Variants in SHOC2 observed in about 807,000 individuals in gnomAD.
SHOC2 encodes leucine-rich repeat protein SHOC-2.
Under a neutral mutation model 50.2 loss-of-function variants are expected in SHOC2, and 4 were observed. The observed-to-expected ratio is 0.08, with a 90% CI of 0.04 to 0.18. SHOC2 has a LOEUF of 0.18. SHOC2 is among the 10% of genes least tolerant of loss of function. The pLI is 1.00. For missense variants in SHOC2, 388 were observed against 669.6 expected, an observed-to-expected ratio of 0.58 and a Z score of 4.64; for synonymous variants, 218 against 244.5, an observed-to-expected ratio of 0.89 and a Z score of 1.01.
intron 2 of SHOC2, among the ~76,000 whole-genome samples, chr10:110,980,282 G>A (rs1235283771): frequency 1.3e-5 from 2 of 151,072 alleles, no homozygotes; most frequent in Non-Finnish European, 2.9e-5. Context: ...TCAGCCTCCC[G>A]AGTAGCTGGG....
At chr10:110,963,116 C>T (rs1006521994) in intron 1 of SHOC2, among the ~76,000 whole-genome samples, 4 of 152,048 alleles carry the variant, frequency 2.6e-5, no homozygotes, top group African/African-American at 9.7e-5. Flanking sequence ...ATCTTTAATC[C>T]CTAGTACCAA....
In SHOC2 at chr10:111,012,922, C is replaced by T. The variant is rs1361349390; in HGVS notation, c.*1104C>T. 6.6e-6 allele frequency: 1 copy of T among 152,632 alleles called. No homozygotes were observed. The highest frequency in any genetic ancestry group is 1.5e-5 in the Non-Finnish European group (1 of 68,026). 9.5% of individuals were successfully genotyped at this position (152,632 alleles called of 1,614,324 possible). The stretch of plus-strand genomic sequence containing the variant: ...ATTCTGGAATATCTGTGTCTAAGCA[C>T]AATATCTTCACACTGTGCTGTATTG... On this transcript the variant is annotated 3_prime_UTR_variant, in exon 9 of 9. Coordinates refer to ENST00000369452, the MANE Select transcript of SHOC2 (RefSeq NM_007373.4).
chr10:111,007,324 T>A (rs888021095), intron 5 of SHOC2, among the ~76,000 whole-genome samples: 3 of 152,216 alleles, frequency 2.0e-5, no homozygotes, highest in Non-Finnish European at 4.4e-5. Flanking sequence ...ACTTCCAGTT[T>A]AACTCCCAAA....
chr10:110,938,325 C>G (rs1255060483), intron 1 of SHOC2, among the ~76,000 whole-genome samples: 1 of 152,082 alleles, frequency 6.6e-6, no homozygotes, highest in Non-Finnish European at 1.5e-5. Flanking sequence ...ATTTCTTAGT[C>G]TCAAATATAA....
At position 110,950,919 on chromosome 10, in the gene SHOC2, G is replaced by A. The variant is rs113866990; in HGVS notation, c.-234-13206G>A. 5.9e-5 allele frequency among the ~76,000 whole-genome samples: 9 copies of A among 152,176 alleles called. 1 individual carries two copies. The highest frequency in any genetic ancestry group is 1.9e-4 in the African/African-American group (8 of 41,538). On this transcript the variant is annotated intron_variant, in intron 1 of 8. Coordinates refer to ENST00000369452, the MANE Select transcript of SHOC2 (RefSeq NM_007373.4). ...AAAATAGATTAAAGACTTAAAGAGC[G>A]AAAACTGTAAAATTACCAGAAGAAA...
In SHOC2 at chr10:111,000,479, A is replaced by G; in HGVS notation, c.906A>G (p.Ser302=). ...RYNRLSAIPR[S]LAKCSALEEL... ...ACAGACTGTCAGCAATACCCAGATCATTAGCAAAATGCAGTGCACTTGAAG... is the reference window on the plus strand; with the variant it reads ...ACAGACTGTCAGCAATACCCAGATCGTTAGCAAAATGCAGTGCACTTGAAG... Residue 302 remains serine, a synonymous_variant, in exon 4 of 9, where the codon TCA becomes TCG. Coordinates refer to ENST00000369452, the MANE Select transcript of SHOC2 (RefSeq NM_007373.4). 3 of 1,612,528 alleles carry G rather than the reference A, an allele frequency of 1.9e-6. No individual in the cohort carries two copies. Among genetic ancestry groups the G allele is most frequent in the Non-Finnish European group, 2.5e-6 (3 of 1,178,634 alleles).
At chr10:110,956,614 A>C (rs1438510184) in intron 1 of SHOC2, among the ~76,000 whole-genome samples, 1 of 152,236 alleles carries the variant, frequency 6.6e-6, no homozygotes, top group Non-Finnish European at 1.5e-5. Context: ...TAAAAAGTTT[A>C]AGACTTTTCC....
At chr10:110,979,353 T>C (rs1847931212) in intron 2 of SHOC2, among the ~76,000 whole-genome samples, 1 of 152,224 alleles carries the variant, frequency 6.6e-6, no homozygotes, top group Non-Finnish European at 1.5e-5. Context: ...TGTAACTGAA[T>C]CACAAATGTG....
intron 2 of SHOC2, among the ~76,000 whole-genome samples, chr10:110,969,203 C>G (rs1031548385): frequency 1.8e-4 from 27 of 152,132 alleles, no homozygotes; most frequent in African/African-American, 6.3e-4. Flanking sequence ...AAATTGAAAC[C>G]TTAGTCATTG....
intron 6 of SHOC2, 34 bp downstream of exon 6, chr10:111,007,687 A>G: frequency 6.2e-7 from 1 of 1,607,728 alleles, no homozygotes; most frequent in Non-Finnish European, 8.5e-7. Context: ...GAACTTCAGA[A>G]CCTTCCATAC....
chr10:110,927,930 TTTA>T (rs1476133899), intron 1 of SHOC2, among the ~76,000 whole-genome samples: 1 of 152,202 alleles, frequency 6.6e-6, no homozygotes, highest in Non-Finnish European at 1.5e-5. Context: ...ACAATACTCT[TTTA>T]TTAGAAAAAG....
At chr10:110,938,785 T>C (rs1847080289) in intron 1 of SHOC2, among the ~76,000 whole-genome samples, 1 of 152,230 alleles carries the variant, frequency 6.6e-6, no homozygotes, top group African/African-American at 2.4e-5. Context: ...GAATATATTA[T>C]AGAATATTTT....
At chr10:110,924,081 C>T (rs750345205) in intron 1 of SHOC2, among the ~76,000 whole-genome samples, 1 of 152,064 alleles carries the variant, frequency 6.6e-6, no homozygotes, top group African/African-American at 2.4e-5. Context: ...AGTACTTTCT[C>T]AGTCTTGCAA....
At chr10:110,955,085 C>T (rs144225980) in intron 1 of SHOC2, among the ~76,000 whole-genome samples, 118 of 152,150 alleles carry the variant, frequency 7.8e-4, no homozygotes, top group African/African-American at 2.7e-3. Flanking sequence ...GTGCTGCATA[C>T]GGCGGTTAGA....
intron 5 of SHOC2, among the ~76,000 whole-genome samples, chr10:111,006,104 T>C (rs529546655): frequency 5.6e-4 from 85 of 152,210 alleles, no homozygotes; most frequent in Non-Finnish European, 1.2e-3. Context: ...TAAAACACAA[T>C]GGTTCAGGTG....
chr10:110,987,375 A>G (rs1848098125), intron 3 of SHOC2, among the ~76,000 whole-genome samples: 1 of 152,196 alleles, frequency 6.6e-6, no homozygotes, highest in Non-Finnish European at 1.5e-5. Flanking sequence ...CAGGACAATT[A>G]TTTACAGAAA....
At chr10:110,973,881 CTATATA>C (rs1018921122) in intron 2 of SHOC2, among the ~76,000 whole-genome samples, 5 of 149,448 alleles carry the variant, frequency 3.3e-5, no homozygotes, top group African/African-American at 1.2e-4. Context: ...TATATATACA[CTATATA>C]TATATATAGT....
intron 2 of SHOC2, among the ~76,000 whole-genome samples, chr10:110,975,287 C>T (rs1040071976): frequency 2.0e-5 from 3 of 152,062 alleles, no homozygotes; most frequent in African/African-American, 7.2e-5. Context: ...TCCCCAGTAG[C>T]TGGGACTACA....
chr10:110,992,699 G>C (rs780441394), intron 3 of SHOC2, among the ~76,000 whole-genome samples: 161 of 152,160 alleles, frequency 1.1e-3, no homozygotes, highest in Non-Finnish European at 4.7e-4. Context: ...AGTCATTTTA[G>C]TAATTGGGTT....
Sources: allele counts gnomAD v4.1 joint callset (sites outside exome capture counted in the v4.1 genomes callset), GRCh38; gene constraint gnomAD v4.1.1; transcripts MANE v1.5; gene names NCBI Gene and HGNC (gene_info 2026-07-23, HGNC 2026-07-21).